Variants in KATNAL1 observed in about 807,000 individuals in gnomAD.
KATNAL1 encodes the protein katanin p60 ATPase-containing subunit A-like 1.
In KATNAL1, 32 loss-of-function variants were observed where a neutral mutation model predicts 55.2. The ratio of observed to expected loss-of-function variants is 0.58; its 90% CI spans 0.44 to 0.78. The LOEUF (loss-of-function observed/expected upper bound fraction) is 0.78. Among genes scored for constraint, KATNAL1 ranks in the 30% least tolerant of loss-of-function variants. The pLI, the probability that KATNAL1 is intolerant of heterozygous loss-of-function variation, is 0.00. For missense variants in KATNAL1, 466 were observed against 600.9 expected (o/e 0.78, Z 2.35); for synonymous variants, 193 against 193.6 (o/e 1.00, Z 0.02).
chr13:30,210,362 C>T lies in KATNAL1; in HGVS notation c.1228G>A (p.Glu410Lys), dbSNP rs762143192. The stretch of plus-strand genomic sequence containing the variant: ...GCACCAGAATAGCCCTCAATCTTCT[C>T]GGCTATATCTTCCAGTTGAATATCA... The part of the protein sequence containing the change: ...DPDIQLEDIA[E>K]KIEGYSGADI... The change falls in exon 10 of 11, where the codon GAG becomes AAG. Residue 410 changes from glutamate to lysine, a missense_variant. This residue lies in a region of KATNAL1 where 213 missense variants were observed against 308.6 expected (regional missense o/e 0.69). Coordinates refer to ENST00000380615, the MANE Select transcript of KATNAL1 (RefSeq NM_032116.5). The T allele has an allele frequency of 3.7e-6, 6 of 1,610,046 alleles. No homozygotes were observed. The highest frequency in any genetic ancestry group is 3.3e-5 in the South Asian group (3 of 90,370).
At chr13:30,249,163 C>T (rs777122276) in intron 4 of KATNAL1, among the ~76,000 whole-genome samples, 8 of 151,522 alleles carry the variant, frequency 5.3e-5, no homozygotes, top group African/African-American at 1.2e-4. Context: ...ACCTGGGAGG[C>T]GGAGGTTGCA....
At chr13:30,248,016 T>C (rs957723173) in intron 4 of KATNAL1, among the ~76,000 whole-genome samples, 4 of 152,174 alleles carry the variant, frequency 2.6e-5, no homozygotes, top group Admixed American at 2.6e-4. Context: ...TAAGAGCTCA[T>C]GCACTCCTAT....
At chr13:30,279,503 C>T (rs1430478776) in intron 3 of KATNAL1, among the ~76,000 whole-genome samples, 1 of 151,946 alleles carries the variant, frequency 6.6e-6, no homozygotes, top group African/African-American at 2.4e-5. Context: ...ACTGCACAGA[C>T]AAGATGACCA....
chr13:30,270,360 G>A (rs1308315953), intron 3 of KATNAL1, among the ~76,000 whole-genome samples: 23 of 151,512 alleles, frequency 1.5e-4, no homozygotes, highest in Non-Finnish European at 2.8e-4. Flanking sequence ...GCCTCTGCCC[G>A]GCCTCCCCTA....
At chr13:30,269,512 G>C (rs182160454) in intron 3 of KATNAL1, among the ~76,000 whole-genome samples, 3,450 of 152,006 alleles carry the variant, frequency 0.023, 70 homozygotes, top group Non-Finnish European at 0.035. Context: ...GAAGTGAGGA[G>C]CGTCTCTGCC....
intron 6 of KATNAL1, among the ~76,000 whole-genome samples, chr13:30,239,126 C>G (rs962766077): frequency 6.6e-6 from 1 of 152,052 alleles, no homozygotes; most frequent in Non-Finnish European, 1.5e-5. Context: ...ATACATTTAT[C>G]AGGCCTGAAA....
intron 10 of KATNAL1, 60 bp from the exon 11 acceptor site, chr13:30,208,798 T>C (rs1169247238): frequency 5.2e-6 from 6 of 1,144,370 alleles, no homozygotes; most frequent in African/African-American, 3.1e-5. Flanking sequence ...ACACTTTCAA[T>C]TGTAACAAAG....
intron 3 of KATNAL1, among the ~76,000 whole-genome samples, chr13:30,261,286 G>A (rs1351494140): frequency 2.6e-5 from 4 of 151,712 alleles, no homozygotes; most frequent in African/African-American, 4.8e-5. Flanking sequence ...AAAGACCATC[G>A]AGACTAGGAA....
At chr13:30,215,287 G>A (rs1874101433) in intron 9 of KATNAL1, among the ~76,000 whole-genome samples, 1 of 152,138 alleles carries the variant, frequency 6.6e-6, no homozygotes, top group African/African-American at 2.4e-5. Context: ...AGGTGCTGGA[G>A]AGGATGTGGA....
chr13:30,280,080 A>G lies in KATNAL1; in HGVS notation c.306T>C (p.Pro102=). 6.2e-7 allele frequency: 1 copy of G among 1,612,224 alleles called. No individual in the cohort carries two copies. ...PFRDPAVWPP[P]VPAEHRAPPQ... ...CTATTTACCTGTGTTCTGCAGGAAC[A>G]GGGGGTGGCCAAACAGCAGGATCTC... The change falls in exon 3 of 11, where the codon CCT becomes CCC. Residue 102 remains proline (P), a synonymous_variant. Coordinates refer to ENST00000380615, the MANE Select transcript of KATNAL1 (RefSeq NM_032116.5).
rs1026637217 is a variant in KATNAL1, at chr13:30,214,820, C to G, written c.1148-4378G>C. ...CGTTAGACCTAAAACCATAAAAACCCTAGAAGAAAACCTAGGCATTACCAT... is the reference window on the plus strand; with the variant it reads ...CGTTAGACCTAAAACCATAAAAACCGTAGAAGAAAACCTAGGCATTACCAT... On this transcript the variant is annotated intron_variant, in intron 9 of 10. Transcript: ENST00000380615. Among the ~76,000 whole-genome samples the G allele has an allele frequency of 1.4e-3, 211 of 151,526 alleles. 5 individuals carry two copies. The East Asian group carries it at 0.039, about 28-fold the overall frequency.
chr13:30,289,403 A>ATTT (rs1296923026), intron 1 of KATNAL1, among the ~76,000 whole-genome samples: 2 of 152,250 alleles, frequency 1.3e-5, no homozygotes, highest in Admixed American at 1.3e-4. Context: ...CTATTGATAA[A>ATTT]TGACTTCCTT....
chr13:30,296,151 C>T (rs1477003968), intron 1 of KATNAL1: 1 of 520,912 alleles, frequency 1.9e-6, no homozygotes, highest in South Asian at 2.3e-5. Flanking sequence ...TCAGTCATGG[C>T]CTCAGGTAAT....
In KATNAL1 at chr13:30,208,343, G is replaced by C; in HGVS notation, c.*197C>G. The C allele has an allele frequency of 1.9e-6, 1 of 520,454 alleles. No individual in the cohort carries two copies. The allele number at this position is 520,454 out of a possible 1,614,324, so 32.2% of individuals were successfully genotyped here. On this transcript the variant is annotated 3_prime_UTR_variant, in exon 11 of 11. Transcript: ENST00000380615. The stretch of plus-strand genomic sequence containing the variant: ...ATACGTGGAATACCAGCACAAAGCC[G>C]GGGAGGGAGACTAGCAAACTCTCGC...
rs558116570 is a variant in KATNAL1, at chr13:30,210,062, G to A, written c.1274+254C>T. 1.1e-4 allele frequency among the ~76,000 whole-genome samples: 16 copies of A among 152,148 alleles called. No individual in the cohort carries two copies. In the East Asian group the frequency reaches 3.1e-3, roughly 29 times the overall value. ...CTCCCAAAGTGCTGGGATTAGAGGC[G>A]TAAGCCACCGACACAACAATTTCTT... is the stretch of plus-strand genomic sequence containing the variant. On this transcript the variant is annotated intron_variant, in intron 10 of 10. Transcript: ENST00000380615.
chr13:30,302,725 A>G (rs1882937104), intron 1 of KATNAL1, among the ~76,000 whole-genome samples: 1 of 152,220 alleles, frequency 6.6e-6, no homozygotes, highest in Non-Finnish European at 1.5e-5. Context: ...GAGTATACCA[A>G]AACTAGTTTG....
intron 1 of KATNAL1, among the ~76,000 whole-genome samples, chr13:30,304,518 T>C (rs1883063402): frequency 6.6e-6 from 1 of 152,202 alleles, no homozygotes. Context: ...TCTGCCCGCC[T>C]CAGCCTTCCA....
chr13:30,302,373 AC>A (rs1882909091), intron 1 of KATNAL1, among the ~76,000 whole-genome samples: 1 of 152,228 alleles, frequency 6.6e-6, no homozygotes, highest in Admixed American at 6.5e-5. Context: ...CAGAGAAAAT[AC>A]AAGTATAAAA....
intron 6 of KATNAL1, among the ~76,000 whole-genome samples, chr13:30,237,747 CT>C (rs1173561442): frequency 6.6e-6 from 1 of 152,178 alleles, no homozygotes; most frequent in African/African-American, 2.4e-5. Context: ...AATTCCTTAT[CT>C]CTTTCCCCAG....
Sources: allele counts gnomAD v4.1 joint callset (sites outside exome capture counted in the v4.1 genomes callset), GRCh38; gene constraint gnomAD v4.1.1; regional missense constraint gnomAD v4.1.1; transcripts MANE v1.5; gene names NCBI Gene and HGNC (gene_info 2026-07-23, HGNC 2026-07-21).